PRR29: variants seen among roughly 807,000 people sequenced by gnomAD.
The protein encoded by PRR29 is proline rich 29.
PRR29 carries 20 observed loss-of-function variants against 25.1 expected under a neutral mutation model. The ratio of observed to expected loss-of-function variants is 0.80; its 90% CI spans 0.56 to 1.16. The LOEUF (loss-of-function observed/expected upper bound fraction) is 1.16. Among genes scored for constraint, PRR29 ranks in the 50% most tolerant of loss-of-function variants. The pLI is 0.00. For synonymous variants in PRR29, 108 were observed against 102.6 expected, an observed-to-expected ratio of 1.05 and a Z score of -0.32; for missense variants, 238 against 246.6, an observed-to-expected ratio of 0.97 and a Z score of 0.23.
rs372611066 is a variant in PRR29, at chr17:64,003,695, C to T, written c.*1934C>T. The stretch of plus-strand genomic sequence containing the variant: ...GAGTGTTTGTGAAAGATGTTGCCAC[C>T]GCGAGACATCAAGTCCAGCACAGCC... On this transcript the variant is annotated 3_prime_UTR_variant, in exon 6 of 6. Coordinates refer to ENST00000412177, the MANE Select transcript of PRR29 (RefSeq NM_001164257.2). The T allele has an allele frequency of 2.5e-5, 40 of 1,614,028 alleles. No homozygotes were observed. The highest frequency in any genetic ancestry group is 8.0e-5 in the African/African-American group (6 of 74,936).
In PRR29 at chr17:64,002,941, G is replaced by T; in HGVS notation, c.*1180G>T. The T allele has an allele frequency of 6.2e-7, 1 of 1,611,294 alleles. No individual in the cohort carries two copies. Among genetic ancestry groups the T allele is most frequent in the Admixed American group, 1.7e-5 (1 of 59,860 alleles). On this transcript the variant is annotated 3_prime_UTR_variant, in exon 6 of 6. Transcript: ENST00000412177. ...GACACAGGCTCTGGGGAGGGAGGGG[G>T]CAAGGGTCTTAGACGTCCTGTGATC...
In PRR29 at chr17:64,002,558, AT is replaced by A; in HGVS notation, c.*799del. On this transcript the variant is annotated 3_prime_UTR_variant, in exon 6 of 6. Transcript: ENST00000412177. Reference sequence around the variant, plus strand: ...CCCATGGTGGCTCCCCTCCCTGGCCATTGTTATCCCAGGAGGAGACACTGTG... The same window carrying A: ...CCCATGGTGGCTCCCCTCCCTGGCCATGTTATCCCAGGAGGAGACACTGTG... The A allele has an allele frequency of 3.3e-6, 2 of 598,382 alleles. No individual in the cohort carries two copies. The highest frequency in any genetic ancestry group is 5.8e-6 in the Non-Finnish European group (2 of 345,548). The allele number at this position is 598,382 out of a possible 1,614,324, so 37.1% of individuals were successfully genotyped here. A position where few individuals can be genotyped will look rare whatever the true frequency, so the allele number is the denominator to read the frequency against.
In PRR29 at chr17:64,003,832, T is replaced by C. The variant is rs1274416825; in HGVS notation, c.*2071T>C. 6.2e-7 allele frequency: 1 copy of C among 1,614,200 alleles called. No individual in the cohort carries two copies. Among genetic ancestry groups the C allele is most frequent in the Admixed American group, 1.7e-5 (1 of 60,034 alleles). On this transcript the variant is annotated 3_prime_UTR_variant, in exon 6 of 6. Transcript: ENST00000412177. ...CCCGAAGGTCTCATAGTGCAGAGTC[T>C]CATTGCCACGGAACAGGAAGAGGGT...
Position 64,002,776 on chromosome 17 carries a change from TCC to T in PRR29, c.*1016_*1017del, listed in dbSNP as rs761149389. 6.2e-7 allele frequency: 1 copy of T among 1,612,584 alleles called. No individual in the cohort carries two copies. The highest frequency in any genetic ancestry group is 8.5e-7 in the Non-Finnish European group (1 of 1,179,898). ...GGCCGGAAGGCCTGGGGCAGCCTCC[TCC>T]AAGCCGCTCGCACCCCGTAGGTGCC... On this transcript the variant is annotated 3_prime_UTR_variant, in exon 6 of 6. Transcript: ENST00000412177.
rs1276112702 is a variant in PRR29 at position 63,999,051 on chromosome 17, C to T, written c.220C>T (p.Arg74Trp). The T allele has an allele frequency of 2.6e-6, 4 of 1,535,864 alleles. No homozygotes were observed. The highest frequency in any genetic ancestry group is 2.0e-5 in the Admixed American group (1 of 50,996). Reference protein sequence around the residue: ...SRLVAGALQPRPASPCPQVYL... With the variant: ...SRLVAGALQPWPASPCPQVYL... The stretch of plus-strand genomic sequence containing the variant: ...CCTGGTGGCTGGAGCGCTGCAGCCC[C>T]GGCCTGCCTCGCCCTGCCCTCAGGT... Residue 74 changes from arginine to tryptophan, a missense_variant, in exon 3 of 6, where the codon CGG (arginine) becomes TGG (tryptophan). Transcript: ENST00000412177.
In PRR29 at chr17:64,002,988, G is replaced by A; in HGVS notation, c.*1227G>A. Reference sequence around the variant, plus strand: ...GATCCCAGTTACCAGGGACCAAAAGGGAGTGGAAGTCCACCCCCAACCCAG... The same window carrying A: ...GATCCCAGTTACCAGGGACCAAAAGAGAGTGGAAGTCCACCCCCAACCCAG... On this transcript the variant is annotated 3_prime_UTR_variant, in exon 6 of 6. Transcript: ENST00000412177. The A allele has an allele frequency of 6.6e-7, 1 of 1,511,566 alleles. No homozygotes were observed. The highest frequency in any genetic ancestry group is 1.2e-5 in the South Asian group (1 of 82,558). 93.6% of individuals were successfully genotyped at this position (1,511,566 alleles called of 1,614,324 possible). A position where few individuals can be genotyped will look rare whatever the true frequency, so the allele number is the denominator to read the frequency against.
intron 2 of PRR29, 39 bp downstream of exon 2, chr17:63,998,821 A>AACC: frequency 2.5e-6 from 2 of 799,898 alleles, no homozygotes; most frequent in Non-Finnish European, 3.6e-6. Context: ...CCCCACCATC[A>AACC]CCACCACTCA....
chr17:63,998,799 C>T lies in PRR29; in HGVS notation c.136+17C>T. The T allele has an allele frequency of 4.0e-6, 4 of 1,009,272 alleles. No homozygotes were observed. The highest frequency in any genetic ancestry group is 1.4e-5 in the South Asian group (1 of 73,560). 62.5% of individuals were successfully genotyped at this position (1,009,272 alleles called of 1,614,324 possible). The stretch of plus-strand genomic sequence containing the variant: ...TGAAGGAAGGTGAGACTCCCGGGTC[C>T]CCCCACCCCACCCCCACCATCACCA... On this transcript the variant is annotated intron_variant, in intron 2 of 5. Coordinates refer to ENST00000412177, the MANE Select transcript of PRR29 (RefSeq NM_001164257.2).
At position 63,998,797 on chromosome 17, in the gene PRR29, T is replaced by TCCCCCCCCCCCCCCCCCCCCCCC; in HGVS notation, c.136+21_136+22insCCCCCCCCCCCCCCCCCCCCCCC. On this transcript the variant is annotated intron_variant, in intron 2 of 5. Coordinates refer to ENST00000412177, the MANE Select transcript of PRR29 (RefSeq NM_001164257.2). ...CGTGAAGGAAGGTGAGACTCCCGGG[T>TCCCCCCCCCCCCCCCCCCCCCCC]CCCCCCACCCCACCCCCACCATCAC... 4 of 1,062,600 alleles carry TCCCCCCCCCCCCCCCCCCCCCCC rather than the reference T, an allele frequency of 3.8e-6. No homozygotes were observed. The highest frequency in any genetic ancestry group is 3.9e-6 in the Non-Finnish European group (3 of 761,700). 65.8% of individuals were successfully genotyped at this position (1,062,600 alleles called of 1,614,324 possible).
rs1445976139 is a variant in PRR29 at position 63,999,024 on chromosome 17, C to T, written c.193C>T (p.Arg65Cys). ...NAQMHQLLLS[R>C]LVAGALQPRP... Reference sequence around the variant, plus strand: ...GCAGATGCACCAGCTGCTGCTGAGTCGCCTGGTGGCTGGAGCGCTGCAGCC... The same window carrying T: ...GCAGATGCACCAGCTGCTGCTGAGTTGCCTGGTGGCTGGAGCGCTGCAGCC... The change falls in exon 3 of 6, where the codon CGC becomes TGC. Residue 65 changes from arginine (R) to cysteine (C), a missense_variant. Transcript: ENST00000412177. The T allele has an allele frequency of 2.6e-6, 4 of 1,535,946 alleles. No individual in the cohort carries two copies. Among genetic ancestry groups the T allele is most frequent in the East Asian group, 2.4e-5 (1 of 40,914 alleles).
chr17:64,002,717 C>A lies in PRR29; in HGVS notation c.*956C>A. On this transcript the variant is annotated 3_prime_UTR_variant, in exon 6 of 6. Coordinates refer to ENST00000412177, the MANE Select transcript of PRR29 (RefSeq NM_001164257.2). ...GAGTCACACTGAGTTCCAGTGACCA[C>A]CGTGGTGGTGGCCATGCCACTCATG... 6.3e-7 allele frequency: 1 copy of A among 1,599,874 alleles called. No individual in the cohort carries two copies.
intron 1 of PRR29, 65 bp downstream of exon 1, chr17:63,998,489 C>A: frequency 7.0e-7 from 1 of 1,419,600 alleles, no homozygotes; most frequent in Non-Finnish European, 9.3e-7. Flanking sequence ...GGGAGCTGTC[C>A]CTGGAGGGGC....
intron 3 of PRR29, among the ~76,000 whole-genome samples, chr17:64,000,289 T>A (rs886659642): frequency 6.6e-6 from 1 of 152,216 alleles, no homozygotes; most frequent in South Asian, 2.1e-4. Context: ...CCGCATGTAG[T>A]AAACGCTCAA....
chr17:63,998,496 G>C, intron 1 of PRR29, 72 bp downstream of exon 1: 1 of 1,413,932 alleles, frequency 7.1e-7, no homozygotes, highest in Non-Finnish European at 9.3e-7. Flanking sequence ...GTCCCTGGAG[G>C]GGCCAGATCC....
intron 3 of PRR29, chr17:63,999,706 AGT>A (rs545165133): frequency 2.6e-4 from 42 of 162,408 alleles, no homozygotes; most frequent in Admixed American, 6.5e-4. Flanking sequence ...TGTGTGCAAG[AGT>A]GTGTGTGTGT....
rs756369493 is a variant in PRR29, at chr17:64,002,754, C to T, written c.*993C>T. On this transcript the variant is annotated 3_prime_UTR_variant, in exon 6 of 6. Transcript: ENST00000412177. ...CCATGCCACTCATGGTTGCTATGGC[C>T]GGAAGGCCTGGGGCAGCCTCCTCCA... 1.5e-5 allele frequency: 24 copies of T among 1,611,090 alleles called. No individual in the cohort carries two copies. The highest frequency in any genetic ancestry group is 8.9e-5 in the East Asian group (4 of 44,884).
In PRR29 at chr17:63,998,900, G is replaced by A. The variant is rs1420061661; in HGVS notation, c.137-68G>A. 7.0e-6 allele frequency: 9 copies of A among 1,293,452 alleles called. No homozygotes were observed. In the Admixed American group the frequency reaches 1.4e-4, roughly 20 times the overall value. 80.1% of individuals were successfully genotyped at this position (1,293,452 alleles called of 1,614,324 possible). ...ACCCGCCAACCCATTCTTCACCCCC[G>A]GGACAGGGGTGTCAGGGGGAGGGGG... is the stretch of plus-strand genomic sequence containing the variant. On this transcript the variant is annotated intron_variant, in intron 2 of 5. Coordinates refer to ENST00000412177, the MANE Select transcript of PRR29 (RefSeq NM_001164257.2).
chr17:64,003,988 T>A lies in PRR29; in HGVS notation c.*2227T>A. The A allele has an allele frequency of 6.4e-7, 1 of 1,568,102 alleles. No individual in the cohort carries two copies. Among genetic ancestry groups the A allele is most frequent in the Non-Finnish European group, 8.7e-7 (1 of 1,153,962 alleles). Reference sequence around the variant, plus strand: ...CTCTGCAGGGGACAAAGGAGGGAGGTCTGGTCAGGATGGGGGTGCAGTCCC... The same window carrying A: ...CTCTGCAGGGGACAAAGGAGGGAGGACTGGTCAGGATGGGGGTGCAGTCCC... On this transcript the variant is annotated 3_prime_UTR_variant, in exon 6 of 6. Coordinates refer to ENST00000412177, the MANE Select transcript of PRR29 (RefSeq NM_001164257.2).
At position 64,002,934 on chromosome 17, in the gene PRR29, G is replaced by T. The variant is rs1910896460; in HGVS notation, c.*1173G>T. 6.2e-7 allele frequency: 1 copy of T among 1,612,300 alleles called. No homozygotes were observed. Among genetic ancestry groups the T allele is most frequent in the Admixed American group, 1.7e-5 (1 of 59,882 alleles). On this transcript the variant is annotated 3_prime_UTR_variant, in exon 6 of 6. Transcript: ENST00000412177. ...GCTGTCCGACACAGGCTCTGGGGAGGGAGGGGGCAAGGGTCTTAGACGTCC... is the reference window on the plus strand; with the variant it reads ...GCTGTCCGACACAGGCTCTGGGGAGTGAGGGGGCAAGGGTCTTAGACGTCC...
Sources: allele counts gnomAD v4.1 joint callset (sites outside exome capture counted in the v4.1 genomes callset), GRCh38; gene constraint gnomAD v4.1.1; transcripts MANE v1.5; gene names NCBI Gene and HGNC (gene_info 2026-07-23, HGNC 2026-07-21).